The following MTX3 variants were observed in gnomAD, a reference collection of about 807,000 sequenced individuals.
MTX3 encodes metaxin-3.
Under a neutral mutation model 42.5 loss-of-function variants are expected in MTX3, and 27 were observed. That is an observed-to-expected ratio of 0.64 (90% CI 0.47 to 0.88). MTX3 has a LOEUF of 0.88. Among genes scored for constraint, MTX3 ranks in the 40% least tolerant of loss-of-function variants. The pLI, the probability that MTX3 is intolerant of heterozygous loss-of-function variation, is 0.00. For missense variants in MTX3, 378 were observed against 367.0 expected, an observed-to-expected ratio of 1.03 and a Z score of -0.25; for synonymous variants, 144 against 132.9, an observed-to-expected ratio of 1.08 and a Z score of -0.57.
chr5:79,977,124 C>G lies in MTX3; in HGVS notation c.*6560G>C, dbSNP rs567035236. On this transcript the variant is annotated 3_prime_UTR_variant, in exon 9 of 9. Coordinates refer to ENST00000512528, the MANE Select transcript of MTX3 (RefSeq NM_001363818.2). ...CCTCAAATTCCCACTTCAAAATGAA[C>G]AGAAAAATGGAAAAACATTATTTCC... 3 of 152,162 alleles carry G rather than the reference C, an allele frequency of 2.0e-5. No individual in the cohort carries two copies. The highest frequency in any genetic ancestry group is 7.2e-5 in the African/African-American group (3 of 41,520). 9.4% of individuals were successfully genotyped at this position (152,162 alleles called of 1,614,324 possible). A position where few individuals can be genotyped will look rare whatever the true frequency, so the allele number is the denominator to read the frequency against.
chr5:79,990,798 C>T (rs530561894), intron 1 of MTX3, 135 bp from the exon 2 acceptor site: 117 of 770,376 alleles, frequency 1.5e-4, no homozygotes, highest in Non-Finnish European at 2.4e-4. Flanking sequence ...CCCGTGATCT[C>T]AAGTAGGGAC....
chr5:79,990,351 TGTCTTG>T, intron 2 of MTX3, 115 bp from the exon 3 acceptor site: 1 of 765,870 alleles, frequency 1.3e-6, no homozygotes, highest in Non-Finnish European at 2.1e-6. Flanking sequence ...TGAGTAAGCT[TGTCTTG>T]GTTTTTTTGC....
intron 8 of MTX3, among the ~76,000 whole-genome samples, chr5:79,985,228 G>A (rs550869383): frequency 3.3e-5 from 5 of 152,174 alleles, no homozygotes; most frequent in African/African-American, 4.8e-5. Flanking sequence ...TGATCTGCCC[G>A]CCTCGGCCTC....
chr5:79,990,697 C>G, intron 1 of MTX3, 34 bp from the exon 2 acceptor site: 1 of 1,515,734 alleles, frequency 6.6e-7, no homozygotes, highest in African/African-American at 1.4e-5. Flanking sequence ...CATTTTAGAC[C>G]AAGTGCGTAA....
chr5:79,990,062 T>C (rs1831595520), intron 3 of MTX3, 98 bp downstream of exon 3: 6 of 624,152 alleles, frequency 9.6e-6, no homozygotes, highest in South Asian at 2.9e-5. Context: ...TCTCCAATTG[T>C]CTAATGAGTT....
At chr5:79,988,216 A>G (rs914553276) in intron 6 of MTX3, 23 bp downstream of exon 6, 1 of 1,379,850 alleles carries the variant, frequency 7.2e-7, no homozygotes, top group Admixed American at 2.0e-5. Flanking sequence ...AAATACCAAA[A>G]TGATTTTTAA....
intron 8 of MTX3, among the ~76,000 whole-genome samples, chr5:79,984,225 G>A (rs1831439156): frequency 6.6e-6 from 1 of 152,138 alleles, no homozygotes; most frequent in Non-Finnish European, 1.5e-5. Flanking sequence ...TTGTACAGAT[G>A]AGCAAAACGA....
chr5:79,984,585 TGA>T (rs1431309075), intron 8 of MTX3, among the ~76,000 whole-genome samples: 1 of 151,586 alleles, frequency 6.6e-6, no homozygotes. Context: ...CATTGCCCTA[TGA>T]GTTTGTAAAA....
In MTX3 at chr5:79,987,051, C is replaced by A. The variant is rs186130359; in HGVS notation, c.638G>T (p.Arg213Leu). The A allele has an allele frequency of 1.2e-6, 2 of 1,613,844 alleles. No homozygotes were observed. The highest frequency in any genetic ancestry group is 4.5e-5 in the East Asian group (2 of 44,880). The change falls in exon 7 of 9, where the codon CGG becomes CTG. Residue 213 changes from arginine (R) to leucine (L), a missense_variant. Physicochemically the swap from Arg to Leu is moderately radical, Grantham distance 102. Coordinates refer to ENST00000512528, the MANE Select transcript of MTX3 (RefSeq NM_001363818.2). ...TTCTTGTAGCTGAACTTTAGGAAAC[C>A]GTACTTTGTAAAGAGGTGCAAGAAA... ...FGFLAPLYKV[R>L]FPKVQLQEHL...
chr5:79,986,839 CTATT>C (rs1226814664), intron 7 of MTX3, 107 bp downstream of exon 7: 67 of 1,015,768 alleles, frequency 6.6e-5, no homozygotes, highest in Non-Finnish European at 9.1e-5. Context: ...CTATAAACCA[CTATT>C]TAAAGACAAT....
In MTX3 at chr5:79,982,129, AAC is replaced by A. The variant is rs755012210; in HGVS notation, c.*1553_*1554del. 859 of 182,558 alleles carry A rather than the reference AAC, an allele frequency of 4.7e-3. No individual in the cohort carries two copies. The highest frequency in any genetic ancestry group is 0.012 in the South Asian group (109 of 9,030). The allele number at this position is 182,558 out of a possible 1,614,324, so 11.3% of individuals were successfully genotyped here. On this transcript the variant is annotated 3_prime_UTR_variant, in exon 9 of 9. Coordinates refer to ENST00000512528, the MANE Select transcript of MTX3 (RefSeq NM_001363818.2). ...CCTTTGAAGATGACTGACACACACA[AAC>A]ACACACACACACACCCTGTTGTAGA...
rs892187764 is a variant in MTX3, at chr5:79,980,000, C to T, written c.*3684G>A. ...CTTTTATTTTGAAATACTTAAGACTCACAAGAAGTTATAAAAATAGTTCAG... is the reference window on the plus strand; with the variant it reads ...CTTTTATTTTGAAATACTTAAGACTTACAAGAAGTTATAAAAATAGTTCAG... On this transcript the variant is annotated 3_prime_UTR_variant, in exon 9 of 9. Transcript: ENST00000512528. The T allele has an allele frequency of 1.3e-5, 2 of 152,128 alleles. No individual in the cohort carries two copies. Among genetic ancestry groups the T allele is most frequent in the African/African-American group, 2.4e-5 (1 of 41,418 alleles). 9.4% of individuals were successfully genotyped at this position (152,128 alleles called of 1,614,324 possible). A position where few individuals can be genotyped will look rare whatever the true frequency, so the allele number is the denominator to read the frequency against.
rs1472883957 is a variant in MTX3, at chr5:79,990,197, G to A, written c.191C>T (p.Ser64Phe). Residue 64 changes from serine (S) to phenylalanine (F), a missense_variant, in exon 3 of 9, where the codon TCT becomes TTT. By Grantham distance (155) the Ser-to-Phe change is radical. Coordinates refer to ENST00000512528, the MANE Select transcript of MTX3 (RefSeq NM_001363818.2). ...PILTTEDDMV[S>F]QPAKILNFLR... ...AAAGTTTAGTATTTTTGCTGGCTGA[G>A]AAACCATGTCGTCTTCAGTTGTCAA... 9 of 1,610,000 alleles carry A rather than the reference G, an allele frequency of 5.6e-6. No homozygotes were observed. Among genetic ancestry groups the A allele is most frequent in the Non-Finnish European group, 6.8e-6 (8 of 1,178,294 alleles).
At position 79,977,410 on chromosome 5, in the gene MTX3, C is replaced by T. The variant is rs775490039; in HGVS notation, c.*6274G>A. The T allele has an allele frequency of 6.6e-6, 1 of 152,182 alleles. No homozygotes were observed. The highest frequency in any genetic ancestry group is 2.4e-5 in the African/African-American group (1 of 41,420). 9.4% of individuals were successfully genotyped at this position (152,182 alleles called of 1,614,324 possible). A position where few individuals can be genotyped will look rare whatever the true frequency, so the allele number is the denominator to read the frequency against. ...TAAACGAAATGATTAAAAGACATTT[C>T]TCTGAATTTGCAAGAAGACGACTGA... On this transcript the variant is annotated 3_prime_UTR_variant, in exon 9 of 9. Transcript: ENST00000512528.
intron 7 of MTX3, among the ~76,000 whole-genome samples, chr5:79,985,940 G>GAA (rs33942235): frequency 3.5e-4 from 45 of 127,718 alleles, no homozygotes; most frequent in South Asian, 1.0e-3. Context: ...TTTTTTTTTT[G>GAA]AAAAAAAAAG....
At position 79,977,883 on chromosome 5, in the gene MTX3, A is replaced by G. The variant is rs1047391941; in HGVS notation, c.*5801T>C. ...CATAAACACCCATTGCCTTTTTGGC[A>G]CTTTTAAAGTACAGCCAGAAAAGGT... On this transcript the variant is annotated 3_prime_UTR_variant, in exon 9 of 9. Transcript: ENST00000512528. The G allele has an allele frequency of 1.3e-5, 2 of 152,206 alleles. No homozygotes were observed. Among genetic ancestry groups the G allele is most frequent in the Admixed American group, 6.5e-5 (1 of 15,280 alleles). The allele number at this position is 152,206 out of a possible 1,614,324, so 9.4% of individuals were successfully genotyped here.
At chr5:79,991,000 G>C (rs1266402454) in intron 1 of MTX3, 158 bp downstream of exon 1, 1 of 824,024 alleles carries the variant, frequency 1.2e-6, no homozygotes, top group Non-Finnish European at 2.0e-6. Context: ...GTATCGGCCA[G>C]GTTGGGACTC....
At chr5:79,991,066 C>A (rs1027550285) in intron 1 of MTX3, 92 bp downstream of exon 1, 2 of 1,288,860 alleles carry the variant, frequency 1.6e-6, no homozygotes, top group Non-Finnish European at 2.2e-6. Context: ...CCCTCCTGGA[C>A]CCCGCAGCGC....
Position 79,986,956 on chromosome 5 carries a change from G to C in MTX3, c.733C>G (p.Leu245Val), listed in dbSNP as rs1831506337. 1.1e-5 allele frequency: 17 copies of C among 1,613,630 alleles called. No homozygotes were observed. The highest frequency in any genetic ancestry group is 1.3e-5 in the Non-Finnish European group (15 of 1,179,726). The change falls in exon 7 of 9, where the codon CTT becomes GTT. Residue 245 changes from leucine to valine, a missense_variant. By Grantham distance (32) the Leu-to-Val change is conservative. Coordinates refer to ENST00000512528, the MANE Select transcript of MTX3 (RefSeq NM_001363818.2). The part of the protein sequence containing the change: ...DILSSYFRLS[L>V]GGISPAGQET... ...TGAAAAAGAGCCAGCTTACCTCCAA[G>C]ACTAAGCCTAAAATAACTGCTCAGG...
Sources: gnomAD v4.1 joint callset for allele counts (sites outside exome capture counted in the v4.1 genomes callset) on GRCh38, gnomAD v4.1.1 for gene constraint, MANE v1.5 for transcripts, NCBI Gene and HGNC (gene_info 2026-07-23, HGNC 2026-07-21) for gene names.